The following RGS6 variants were observed in gnomAD, a reference collection of about 807,000 sequenced individuals.
The protein encoded by RGS6 is regulator of G protein signaling 6.
A neutral mutation model predicts 78.5 loss-of-function variants in RGS6; 30 were observed. That is an observed-to-expected ratio of 0.38 (90% CI 0.29 to 0.52). RGS6 has a LOEUF of 0.52. Ranked by LOEUF, RGS6 falls within the 20% of genes least tolerant of loss-of-function variation. RGS6 has a pLI of 0.85. For missense variants in RGS6, 495 were observed against 609.7 expected, an observed-to-expected ratio of 0.81 and a Z score of 1.98; for synonymous variants, 206 against 206.0, an observed-to-expected ratio of 1.00 and a Z score of 0.00.
In RGS6 at chr14:71,932,730, C is replaced by G. The variant is rs913830656; in HGVS notation, c.-232C>G. On this transcript the variant is annotated 5_prime_UTR_variant, in exon 1 of 18. Transcript: ENST00000553525. ...GGGCTTCGCTCTTCGCTCGCTGAGC[C>G]CCTGCGCTCGCCACCACGGAAACTC... The G allele has an allele frequency of 1.3e-5, 2 of 152,256 alleles. No homozygotes were observed. The highest frequency in any genetic ancestry group is 2.9e-5 in the Non-Finnish European group (2 of 68,074). 9.4% of individuals were successfully genotyped at this position (152,256 alleles called of 1,614,324 possible).
chr14:71,912,652 T>C, the RGS6 span, among the ~76,000 whole-genome samples: 5 of 152,158 alleles, frequency 3.3e-5, no homozygotes, highest in Admixed American at 6.5e-5. Context: ...CTGGTACCAG[T>C]TGACCAACAC....
At chr14:72,458,645 A>G (rs2095696018) in intron 5 of RGS6, among the ~76,000 whole-genome samples, 1 of 152,236 alleles carries the variant, frequency 6.6e-6, no homozygotes, top group African/African-American at 2.4e-5. Flanking sequence ...TGGGTATCTT[A>G]TAAACAAACA....
intron 3 of RGS6, among the ~76,000 whole-genome samples, chr14:72,425,704 A>G (rs915603361): frequency 3.9e-5 from 6 of 152,188 alleles, no homozygotes; most frequent in African/African-American, 7.2e-5. Context: ...CAAAGGGAGG[A>G]TAATTTGGTT....
chr14:72,140,163 G>A (rs891108460), intron 2 of RGS6, among the ~76,000 whole-genome samples: 1 of 152,164 alleles, frequency 6.6e-6, no homozygotes, highest in African/African-American at 2.4e-5. Flanking sequence ...TTTGTAGAAG[G>A]TGGCGAGAAG....
chr14:72,236,310 T>C (rs1448832247), intron 2 of RGS6, among the ~76,000 whole-genome samples: 1 of 152,234 alleles, frequency 6.6e-6, no homozygotes, highest in Non-Finnish European at 1.5e-5. Flanking sequence ...ATTTTTGGTG[T>C]ATTTTAAATT....
chr14:72,318,413 C>A (rs535907404), intron 2 of RGS6, among the ~76,000 whole-genome samples: 1 of 106,576 alleles, frequency 9.4e-6, no homozygotes, highest in East Asian at 2.8e-4. Flanking sequence ...TTTGGCCACA[C>A]CCTCACAGAC....
At chr14:72,127,507 T>A (rs1313921365) in intron 2 of RGS6, among the ~76,000 whole-genome samples, 1 of 152,224 alleles carries the variant, frequency 6.6e-6, no homozygotes, top group Non-Finnish European at 1.5e-5. Context: ...CAGTGTTTTC[T>A]AAGAGAACAC....
chr14:72,154,513 G>GT (rs199691955), intron 2 of RGS6, among the ~76,000 whole-genome samples: 4 of 152,240 alleles, frequency 2.6e-5, no homozygotes, highest in Admixed American at 2.6e-4. Flanking sequence ...TGTTTGGGGG[G>GT]GGTCCCTGAC....
chr14:72,163,073 T>C (rs1285425606), intron 2 of RGS6, among the ~76,000 whole-genome samples: 1 of 152,122 alleles, frequency 6.6e-6, no homozygotes, highest in Non-Finnish European at 1.5e-5. Context: ...GGGTGAGGAA[T>C]AAAAGACTAC....
chr14:72,547,837 C>T (rs920266492), intron 17 of RGS6, among the ~76,000 whole-genome samples: 2 of 152,118 alleles, frequency 1.3e-5, no homozygotes, highest in African/African-American at 4.8e-5. Context: ...GGGAATGGGC[C>T]TCATTGGTGT....
chr14:72,454,326 T>G (rs572272342), intron 3 of RGS6, among the ~76,000 whole-genome samples: 1 of 152,274 alleles, frequency 6.6e-6, no homozygotes, highest in African/African-American at 2.4e-5. Flanking sequence ...AAGTGAGTGT[T>G]TTTTGGACAA....
chr14:72,003,980 C>T (rs1192122139), intron 2 of RGS6, among the ~76,000 whole-genome samples: 2 of 152,170 alleles, frequency 1.3e-5, no homozygotes, highest in African/African-American at 4.8e-5. Context: ...AATGCTCAGT[C>T]CATACTTTGC....
At chr14:72,605,484 C>T in the RGS6 span, among the ~76,000 whole-genome samples, 1 of 152,216 alleles carries the variant, frequency 6.6e-6, no homozygotes, top group Non-Finnish European at 1.5e-5. Context: ...AAGTTTAGCC[C>T]GAACATTCCT....
the RGS6 span, among the ~76,000 whole-genome samples, chr14:71,917,944 C>T: frequency 3.3e-5 from 5 of 151,930 alleles, no homozygotes; most frequent in South Asian, 2.1e-4. Flanking sequence ...GAGGCCGAGA[C>T]GGGCGCATCA....
chr14:71,902,608 C>G, the RGS6 span, among the ~76,000 whole-genome samples: 1 of 151,676 alleles, frequency 6.6e-6, no homozygotes, highest in Middle Eastern at 3.4e-3. Context: ...TTCTTAGAGA[C>G]AGTCAAGAGG....
intron 3 of RGS6, among the ~76,000 whole-genome samples, chr14:72,415,158 C>T (rs952325626): frequency 6.6e-5 from 10 of 152,272 alleles, no homozygotes; most frequent in Non-Finnish European, 1.3e-4. Context: ...CAGAGGCAGG[C>T]AGGCCTCCTT....
chr14:72,473,083 G>C, intron 9 of RGS6, 130 bp downstream of exon 9: 1 of 588,180 alleles, frequency 1.7e-6, no homozygotes. Flanking sequence ...TTGTGGAACT[G>C]GTTTCGCCAT....
chr14:72,152,290 G>C (rs77281812), intron 2 of RGS6, among the ~76,000 whole-genome samples: 3,709 of 151,538 alleles, frequency 0.024, 60 homozygotes, highest in Middle Eastern at 0.051. Context: ...GCAGCCTTTA[G>C]AGGTCAGACT....
intron 2 of RGS6, among the ~76,000 whole-genome samples, chr14:72,126,969 G>A: frequency 6.6e-6 from 1 of 152,130 alleles, no homozygotes; most frequent in East Asian, 1.9e-4. Flanking sequence ...AACTGGGGAG[G>A]CATGAGGTTG....
Sources: allele counts gnomAD v4.1 joint callset (sites outside exome capture counted in the v4.1 genomes callset), GRCh38; gene constraint gnomAD v4.1.1; transcripts MANE v1.5; gene names NCBI Gene and HGNC (gene_info 2026-07-23, HGNC 2026-07-21).